Variants in CTBP2 observed in about 807,000 individuals in gnomAD.
CTBP2 encodes C-terminal binding protein 2.
In CTBP2, 30 loss-of-function variants were observed where a neutral mutation model predicts 80.3. That is an observed-to-expected ratio of 0.37 (90% confidence interval 0.28 to 0.51). The LOEUF is 0.51. CTBP2 is among the 20% of genes least tolerant of loss of function. The pLI is 0.93. For missense variants in CTBP2, 1,212 were observed against 1,375.3 expected (o/e 0.88, Z 1.88); for synonymous variants, 594 against 587.4 (o/e 1.01, Z -0.16).
chr10:125,021,703 A>G (rs537823022), intron 1 of CTBP2, among the ~76,000 whole-genome samples: 1 of 152,354 alleles, frequency 6.6e-6, no homozygotes, highest in East Asian at 1.9e-4. Context: ...CCAGGGCCTC[A>G]GAGGCACAGA....
chr10:125,059,354 G>A (rs192053894), intron 2 of CTBP2, among the ~76,000 whole-genome samples: 3 of 152,098 alleles, frequency 2.0e-5, no homozygotes, highest in African/African-American at 7.2e-5. Flanking sequence ...GCTGAGGCGG[G>A]CAGGTCACTT....
chr10:125,123,571 T>G (rs573472256), intron 1 of CTBP2, among the ~76,000 whole-genome samples: 2 of 152,360 alleles, frequency 1.3e-5, no homozygotes, highest in South Asian at 2.1e-4. Context: ...GGGCACTAAG[T>G]AGGGCAATTC....
intron 1 of CTBP2, among the ~76,000 whole-genome samples, chr10:125,135,422 T>C (rs1247879790): frequency 6.6e-6 from 1 of 152,124 alleles, no homozygotes; most frequent in African/African-American, 2.4e-5. Context: ...TATATGACCG[T>C]CCCCATCCCA....
intron 2 of CTBP2, among the ~76,000 whole-genome samples, chr10:125,048,618 C>G (rs906950899): frequency 6.6e-6 from 1 of 152,138 alleles, no homozygotes; most frequent in Non-Finnish European, 1.5e-5. Context: ...AGGCTCCCTG[C>G]CCAGGGTGTG....
In CTBP2 at chr10:124,989,248, C is replaced by T; in HGVS notation, c.*270G>A. Reference sequence around the variant, plus strand: ...GATAAAGGAAAAAGCTCTATTTATTCTTTTTGTGATTTGATGCACAGATGA... The same window carrying T: ...GATAAAGGAAAAAGCTCTATTTATTTTTTTTGTGATTTGATGCACAGATGA... On this transcript the variant is annotated 3_prime_UTR_variant, in exon 9 of 9. Transcript: ENST00000309035. 1 of 464,338 alleles carries T rather than the reference C, an allele frequency of 2.2e-6. No individual in the cohort carries two copies. Among genetic ancestry groups the T allele is most frequent in the Non-Finnish European group, 3.9e-6 (1 of 254,986 alleles). 28.8% of individuals were successfully genotyped at this position (464,338 alleles called of 1,614,324 possible).
chr10:125,043,759 A>G (rs1348624868), intron 2 of CTBP2, among the ~76,000 whole-genome samples: 1 of 152,176 alleles, frequency 6.6e-6, no homozygotes, highest in East Asian at 1.9e-4. Context: ...TCTTGACTCC[A>G]CTTCCTAGCC....
At position 125,124,170 on chromosome 10, in the gene CTBP2, C is replaced by T. The variant is rs950132355; in HGVS notation, c.-205-13077G>A. On this transcript the variant is annotated intron_variant, in intron 1 of 10. Coordinates refer to the CTBP2 transcript ENST00000337195. Reference sequence around the variant, plus strand: ...CAGGGTCAGGGGAGACCCAGAGCTACGCCCCTGCTTCTCGAGCCTGGGGAC... The same window carrying T: ...CAGGGTCAGGGGAGACCCAGAGCTATGCCCCTGCTTCTCGAGCCTGGGGAC... Among the ~76,000 whole-genome samples, 14 of 152,212 alleles carry T rather than the reference C, an allele frequency of 9.2e-5. No individual in the cohort carries two copies. The East Asian group carries it at 1.2e-3, about 13-fold the overall frequency.
At chr10:125,117,218 G>T (rs542777409) in intron 1 of CTBP2, among the ~76,000 whole-genome samples, 1 of 152,356 alleles carries the variant, frequency 6.6e-6, no homozygotes, top group Admixed American at 6.5e-5. Flanking sequence ...TGTAACGGGG[G>T]CAGTGGGGGG....
chr10:125,139,151 T>A (rs1465631902), intron 1 of CTBP2, among the ~76,000 whole-genome samples: 1 of 151,950 alleles, frequency 6.6e-6, no homozygotes, highest in Non-Finnish European at 1.5e-5. Context: ...GTGGGGAGAT[T>A]ACTTGAGGCC....
chr10:124,992,656 G>A (rs1299654112), intron 8 of CTBP2, 39 bp downstream of exon 10: 1 of 1,493,120 alleles, frequency 6.7e-7, no homozygotes, highest in Non-Finnish European at 9.2e-7. Context: ...CGGGGCCGTG[G>A]TGCTCACAAG....
At chr10:125,031,046 A>C (rs1958130337), upstream of CTBP2, among the ~76,000 whole-genome samples, 1 of 152,082 alleles carries the variant, frequency 6.6e-6, no homozygotes, top group Admixed American at 6.5e-5. Context: ...AGGCTGCAGA[A>C]GTTAGCGGGT....
chr10:125,061,553 A>C (rs1171541345), intron 2 of CTBP2, among the ~76,000 whole-genome samples: 3 of 152,172 alleles, frequency 2.0e-5, no homozygotes, highest in Non-Finnish European at 1.5e-5. Context: ...CACACATCCC[A>C]GTTCCAGGAG....
chr10:125,002,033 A>G (rs1168445565), intron 3 of CTBP2, among the ~76,000 whole-genome samples: 1 of 152,186 alleles, frequency 6.6e-6, no homozygotes, highest in Non-Finnish European at 1.5e-5. Flanking sequence ...GCCTTAGCCG[A>G]TGGGAGAGAG....
At chr10:125,129,130 C>T (rs2136110352) in intron 1 of CTBP2, among the ~76,000 whole-genome samples, 1 of 152,174 alleles carries the variant, frequency 6.6e-6, no homozygotes, top group Non-Finnish European at 1.5e-5. Context: ...AATGTACATA[C>T]ATGTATTATG....
intron 2 of CTBP2, among the ~76,000 whole-genome samples, chr10:125,108,336 A>G (rs963890547): frequency 6.6e-6 from 1 of 152,256 alleles, no homozygotes; most frequent in African/African-American, 2.4e-5. Context: ...AGAAAATACT[A>G]AGAGGGCAAA....
At chr10:125,123,202 G>A (rs1348620234) in intron 1 of CTBP2, among the ~76,000 whole-genome samples, 2 of 150,182 alleles carry the variant, frequency 1.3e-5, no homozygotes, top group Non-Finnish European at 3.0e-5. Context: ...CACCTCAAGT[G>A]GATATGACTA....
At chr10:125,020,663 C>T (rs962816216) in intron 1 of CTBP2, among the ~76,000 whole-genome samples, 7 of 152,294 alleles carry the variant, frequency 4.6e-5, no homozygotes, top group South Asian at 4.1e-4. Context: ...GCACCACGCC[C>T]GGCAGAAATC....
chr10:125,123,406 AGGGCACCAGGGAAAG>A (rs891241217), intron 1 of CTBP2, among the ~76,000 whole-genome samples: 2 of 152,194 alleles, frequency 1.3e-5, no homozygotes, highest in African/African-American at 4.8e-5. Context: ...TTACAACTGG[AGGGCACCAGGGAAAG>A]GGTTTAAGGG....
intron 1 of CTBP2, among the ~76,000 whole-genome samples, chr10:125,140,285 T>A (rs1054443541): frequency 1.8e-4 from 28 of 151,746 alleles, no homozygotes; most frequent in Non-Finnish European, 4.4e-5. Flanking sequence ...GGTTTTCTCA[T>A]ACTGCAAATG....
Sources: allele counts gnomAD v4.1 joint callset (sites outside exome capture counted in the v4.1 genomes callset), GRCh38; gene constraint gnomAD v4.1.1; transcripts MANE v1.5; gene names NCBI Gene and HGNC (gene_info 2026-07-23, HGNC 2026-07-21).